The following CLIP4 variants were observed in gnomAD, a reference collection of about 807,000 sequenced individuals.
The protein encoded by CLIP4 is CAP-Gly domain containing linker protein family member 4.
A neutral mutation model predicts 73.1 loss-of-function variants in CLIP4; 47 were observed. That is an observed-to-expected ratio of 0.64 (90% CI 0.51 to 0.82). The LOEUF (loss-of-function observed/expected upper bound fraction) is 0.82, where lower values mean the gene tolerates loss of function less well. Among genes scored for constraint, CLIP4 ranks in the 40% least tolerant of loss-of-function variants. The pLI is 0.00. For synonymous variants in CLIP4, 306 were observed against 295.4 expected (o/e 1.04, Z -0.37); for missense variants, 874 against 852.9 (o/e 1.02, Z -0.31).
chr2:29,144,281 G>A (rs549078984), intron 7 of CLIP4, among the ~76,000 whole-genome samples: 1 of 152,244 alleles, frequency 6.6e-6, no homozygotes, highest in South Asian at 2.1e-4. Flanking sequence ...GTACTTCTCT[G>A]ACTGCTGCTC....
intron 15 of CLIP4, chr2:29,175,501 G>A (rs1668271861): frequency 6.6e-6 from 1 of 152,176 alleles, no homozygotes; most frequent in Non-Finnish European, 1.5e-5. Context: ...AAGGGGGAGA[G>A]GTGTCCAAAT....
At chr2:29,165,722 T>C (rs1387658068) in intron 13 of CLIP4, among the ~76,000 whole-genome samples, 5 of 152,202 alleles carry the variant, frequency 3.3e-5, no homozygotes, top group Non-Finnish European at 7.3e-5. Context: ...CTGCTTTTCA[T>C]GTTTGATTAC....
intron 2 of CLIP4, chr2:29,130,754 C>G: frequency 7.9e-7 from 1 of 1,263,886 alleles, no homozygotes; most frequent in East Asian, 5.7e-5. Context: ...TTTAGTTATG[C>G]TGACTCTAGA....
chr2:29,119,558 A>C (rs1558514584), intron 1 of CLIP4, among the ~76,000 whole-genome samples: 1 of 152,158 alleles, frequency 6.6e-6, no homozygotes, highest in African/African-American at 2.4e-5. Context: ...AATTTTCCTA[A>C]AACAGCTTTA....
At chr2:29,157,653 A>G (rs1667018066) in intron 11 of CLIP4, among the ~76,000 whole-genome samples, 1 of 152,050 alleles carries the variant, frequency 6.6e-6, no homozygotes, top group South Asian at 2.1e-4. Context: ...CTGTGTTTTT[A>G]TTCAAGTGAT....
intron 1 of CLIP4, among the ~76,000 whole-genome samples, chr2:29,117,066 G>A (rs1377945154): frequency 6.6e-6 from 1 of 152,168 alleles, no homozygotes; most frequent in Non-Finnish European, 1.5e-5. Flanking sequence ...ATGAACTATG[G>A]AGCTATAGGC....
intron 5 of CLIP4, among the ~76,000 whole-genome samples, chr2:29,134,439 T>C (rs940234022): frequency 6.6e-6 from 1 of 152,234 alleles, no homozygotes; most frequent in Non-Finnish European, 1.5e-5. Flanking sequence ...TTCCCCATTG[T>C]AGGAACATGC....
chr2:29,135,422 C>A (rs1665282168), intron 5 of CLIP4, 126 bp from the exon 6 acceptor site: 2 of 517,642 alleles, frequency 3.9e-6, no homozygotes, highest in South Asian at 7.5e-5. Flanking sequence ...TGAAATCATG[C>A]CTCTAGTGGG....
rs114662941 is a variant in CLIP4 at position 29,169,717 on chromosome 2, A to G, written c.1723+2177A>G. Among the ~76,000 whole-genome samples, 868 of 152,236 alleles carry G rather than the reference A, an allele frequency of 5.7e-3. 14 individuals carry two copies. The highest frequency in any genetic ancestry group is 0.02 in the African/African-American group (813 of 41,522). ...TTAAGTCAGGGTAATTGGGATATCT[A>G]TCACCTCAAACATCGATCTTTTCTT... On this transcript the variant is annotated intron_variant, in intron 14 of 15. Coordinates refer to ENST00000320081, the MANE Select transcript of CLIP4 (RefSeq NM_024692.6).
Position 29,135,588 on chromosome 2 carries a change from T to G in CLIP4, c.570T>G (p.Ala190=), listed in dbSNP as rs771936470. ...GCAGTGATTTTAATTTTGGAACAGC[T>G]TTGCATATTGCAGCATACAACTTGT... ...ATCSDFNFGT[A]LHIAAYNLCA... The change falls in exon 6 of 16, where the codon GCT becomes GCG. Residue 190 remains alanine (A), a synonymous_variant. Transcript: ENST00000320081. 1 of 1,610,534 alleles carries G rather than the reference T, an allele frequency of 6.2e-7. No homozygotes were observed. The highest frequency in any genetic ancestry group is 1.1e-5 in the South Asian group (1 of 90,316).
upstream of CLIP4, among the ~76,000 whole-genome samples, chr2:29,113,349 C>T (rs1203804688): frequency 6.6e-6 from 1 of 152,166 alleles, no homozygotes; most frequent in Non-Finnish European, 1.5e-5. The surrounding 1 kb of genome is among the most constrained non-coding windows in gnomAD (Gnocchi z 4.0). Flanking sequence ...GGTCCACATC[C>T]CCATGTGCCT....
chr2:29,133,891 G>T, intron 5 of CLIP4, 75 bp downstream of exon 5: 9 of 1,297,324 alleles, frequency 6.9e-6, no homozygotes, highest in East Asian at 4.9e-5. Context: ...ATAATTCAAG[G>T]ATATTTTTTC....
chr2:29,124,548 C>T (rs943932559), intron 2 of CLIP4, among the ~76,000 whole-genome samples: 4 of 151,980 alleles, frequency 2.6e-5, no homozygotes, highest in African/African-American at 7.2e-5. Flanking sequence ...TGCTTCTCCC[C>T]GTTTTCAGAT....
intron 12 of CLIP4, 115 bp downstream of exon 12, chr2:29,160,582 T>A (rs2148053929): frequency 8.5e-7 from 1 of 1,176,480 alleles, no homozygotes; most frequent in Non-Finnish European, 1.2e-6. Context: ...TTTTTGTGGA[T>A]GGCAGCTATA....
chr2:29,152,644 G>A, intron 8 of CLIP4, 41 bp from the exon 9 acceptor site: 4 of 1,591,450 alleles, frequency 2.5e-6, no homozygotes, highest in Non-Finnish European at 3.4e-6. Context: ...TATTTGAAAT[G>A]TTTTAATTGT....
chr2:29,181,481 A>G (rs1668640183), intron 15 of CLIP4, 91 bp from the exon 16 acceptor site: 1 of 1,074,940 alleles, frequency 9.3e-7, no homozygotes, highest in Non-Finnish European at 1.3e-6. Flanking sequence ...GAGTGAATGA[A>G]TTCTGAATCT....
intron 8 of CLIP4, 40 bp downstream of exon 8, chr2:29,145,407 A>G: frequency 6.6e-7 from 1 of 1,513,788 alleles, no homozygotes; most frequent in East Asian, 2.3e-5. Flanking sequence ...AATTAATTAA[A>G]AATAATCAAG....
chr2:29,132,280 C>CTAT, intron 4 of CLIP4, 35 bp downstream of exon 4: 5 of 1,497,002 alleles, frequency 3.3e-6, no homozygotes, highest in Non-Finnish European at 3.7e-6. Context: ...TTGCTTATGT[C>CTAT]ATCTGCACTT....
At chr2:29,135,476 C>A in intron 5 of CLIP4, 72 bp from the exon 6 acceptor site, 1 of 1,107,340 alleles carries the variant, frequency 9.0e-7, no homozygotes. Context: ...CCTCCCAAAG[C>A]CCTGTCTTCT....
Sources: allele counts gnomAD v4.1 joint callset (sites outside exome capture counted in the v4.1 genomes callset), GRCh38; gene constraint gnomAD v4.1.1; non-coding constraint Gnocchi (gnomAD v3.1); transcripts MANE v1.5; gene names NCBI Gene and HGNC (gene_info 2026-07-23, HGNC 2026-07-21).